The following MAP4 variants were observed in gnomAD, a reference collection of about 807,000 sequenced individuals.
The protein encoded by MAP4 is microtubule associated protein 4, also known as microtubule-associated protein 4.
MAP4 carries 76 observed loss-of-function variants against 170.2 expected under a neutral mutation model. That is an observed-to-expected ratio of 0.45 (90% CI 0.37 to 0.54). The LOEUF is 0.54. Among genes scored for constraint, MAP4 ranks in the 20% least tolerant of loss-of-function variants. MAP4 has a pLI of 0.00. For missense variants in MAP4, 2,506 were observed against 2,748.0 expected, an observed-to-expected ratio of 0.91 and a Z score of 1.97; for synonymous variants, 909 against 994.5, an observed-to-expected ratio of 0.91 and a Z score of 1.62.
At position 47,977,752 on chromosome 3, in the gene MAP4, C is replaced by T. The variant is rs112183762; in HGVS notation, c.292+113G>A. 2.4e-4 allele frequency: 175 copies of T among 721,236 alleles called. 2 individuals are homozygous for T. In the African/African-American group the frequency reaches 2.6e-3, roughly 11 times the overall value. The allele number at this position is 721,236 out of a possible 1,614,324, so 44.7% of individuals were successfully genotyped here. On this transcript the variant is annotated intron_variant, in intron 3 of 20. Coordinates refer to ENST00000683076, the MANE Select transcript of MAP4 (RefSeq NM_001385682.1). ...AATACCTCCAACAAGAACACTACCA[C>T]CCTCAGAAATAATTCATATGCTTCC...
intron 3 of MAP4, among the ~76,000 whole-genome samples, chr3:47,949,309 T>C (rs1462509384): frequency 1.3e-4 from 19 of 151,638 alleles, no homozygotes; most frequent in Admixed American, 1.2e-3. Context: ...CTACTAAGAA[T>C]ACAAAAACTA....
intron 2 of MAP4, among the ~76,000 whole-genome samples, chr3:47,995,997 G>T (rs2100095326): frequency 6.6e-6 from 1 of 152,198 alleles, no homozygotes; most frequent in Admixed American, 6.5e-5. Context: ...ACACTCATTT[G>T]CAGGATTGTC....
chr3:48,069,694 T>C (rs769287593), intron 1 of MAP4, among the ~76,000 whole-genome samples: 1 of 152,212 alleles, frequency 6.6e-6, no homozygotes, highest in African/African-American at 2.4e-5. Context: ...ATTATTGTTA[T>C]CTTATTTTAG....
intron 1 of MAP4, among the ~76,000 whole-genome samples, chr3:48,047,454 G>A (rs747019090): frequency 1.3e-5 from 2 of 151,992 alleles, no homozygotes; most frequent in African/African-American, 4.8e-5. Flanking sequence ...CAGAGTCTTC[G>A]TTTAGGGGTG....
intron 1 of MAP4, among the ~76,000 whole-genome samples, chr3:48,027,026 C>G (rs1486790851): frequency 6.6e-6 from 1 of 152,112 alleles, no homozygotes; most frequent in African/African-American, 2.4e-5. Context: ...TGATTAGAGG[C>G]GGCAAGTATG....
intron 1 of MAP4, among the ~76,000 whole-genome samples, chr3:48,065,415 T>G (rs1300197241): frequency 6.6e-6 from 1 of 152,166 alleles, no homozygotes; most frequent in Non-Finnish European, 1.5e-5. Flanking sequence ...GTATGCACAC[T>G]AAAATCTATG....
chr3:47,887,753 A>T (rs1479540325), intron 10 of MAP4, among the ~76,000 whole-genome samples: 1 of 152,192 alleles, frequency 6.6e-6, no homozygotes, highest in Non-Finnish European at 1.5e-5. Flanking sequence ...TGTTTAGCTC[A>T]AGGTTTGTGA....
At chr3:47,918,982 A>C (rs1017224159) in intron 5 of MAP4, 141 bp from the exon 6 acceptor site, 47 of 595,784 alleles carry the variant, frequency 7.9e-5, no homozygotes, top group Admixed American at 4.6e-4. Flanking sequence ...ACGCAGACAG[A>C]GTGAAGTGGC....
intron 1 of MAP4, among the ~76,000 whole-genome samples, chr3:48,087,940 T>G (rs578022981): frequency 6.6e-6 from 1 of 152,058 alleles, no homozygotes; most frequent in South Asian, 2.1e-4. Flanking sequence ...TCATCCGAGC[T>G]TGGGTCCTAA....
At chr3:47,930,840 AATGGCGT>A (rs1239019322) in intron 3 of MAP4, among the ~76,000 whole-genome samples, 2 of 151,036 alleles carry the variant, frequency 1.3e-5, no homozygotes, top group Admixed American at 1.3e-4. Flanking sequence ...GAGGCAGGAG[AATGGCGT>A]GAACCTGGTA....
intron 3 of MAP4, among the ~76,000 whole-genome samples, chr3:47,930,927 T>TAAAAAA (rs766820917): frequency 1.0e-5 from 1 of 100,034 alleles, no homozygotes; most frequent in Non-Finnish European, 2.1e-5. Flanking sequence ...AGACTCTGTC[T>TAAAAAA]AAAAAAAAAA....
chr3:47,875,369 G>A (rs530825576), intron 12 of MAP4, among the ~76,000 whole-genome samples: 5 of 152,322 alleles, frequency 3.3e-5, no homozygotes, highest in Non-Finnish European at 7.3e-5. Context: ...AGTAGATAGA[G>A]TATTACCTCC....
chr3:48,036,854 T>G (rs1197180485), intron 1 of MAP4, among the ~76,000 whole-genome samples: 1 of 152,212 alleles, frequency 6.6e-6, no homozygotes, highest in Non-Finnish European at 1.5e-5. Context: ...TGTCTGACTT[T>G]CTAATGGTGA....
At chr3:47,904,630 A>G (rs1299286808) in intron 9 of MAP4, among the ~76,000 whole-genome samples, 1 of 133,500 alleles carries the variant, frequency 7.5e-6, no homozygotes, top group African/African-American at 2.9e-5. Context: ...AACACCACTA[A>G]TAATATCTTT....
At chr3:48,057,630 TA>T (rs1219960049) in intron 1 of MAP4, among the ~76,000 whole-genome samples, 87 of 105,478 alleles carry the variant, frequency 8.2e-4, no homozygotes, top group South Asian at 2.2e-3. Flanking sequence ...AATAAATAAA[TA>T]AAAAAGAAAA....
chr3:47,915,114 CT>C lies in MAP4; in HGVS notation c.1877-176del, dbSNP rs367574892. Among the ~76,000 whole-genome samples the C allele has an allele frequency of 7.9e-3, 1,090 of 138,852 alleles. 8 individuals are homozygous for C. Among genetic ancestry groups the C allele is most frequent in the African/African-American group, 0.019 (745 of 38,260 alleles). The allele number at this position is 138,852 out of a possible 152,430, so 91.1% of individuals were successfully genotyped here. On this transcript the variant is annotated intron_variant, in intron 7 of 20. Transcript: ENST00000683076. Reference sequence around the variant, plus strand: ...TGGGAAGGTATGTCTAGTTATGTTACTTTTTTTTTTTTTTTTGAGATGGAGT... The same window carrying C: ...TGGGAAGGTATGTCTAGTTATGTTACTTTTTTTTTTTTTTTGAGATGGAGT...
rs1339507353 is a variant in MAP4 at position 47,910,730 on chromosome 3, T to C, written c.3691A>G (p.Arg1231Gly). 1 of 1,536,052 alleles carries C rather than the reference T, an allele frequency of 6.5e-7. No homozygotes were observed. Among genetic ancestry groups the C allele is most frequent in the Admixed American group, 2.0e-5 (1 of 50,984 alleles). Reference sequence around the variant, plus strand: ...AGGATTTCTTCCTTCCTCTCCATTCTAGCAGGCTGTGTGGAATAATTATTT... The same window carrying C: ...AGGATTTCTTCCTTCCTCTCCATTCCAGCAGGCTGTGTGGAATAATTATTT... Reference protein sequence around the residue: ...FKNNYSTQPARMERKEEILNP... With the variant: ...FKNNYSTQPAGMERKEEILNP... Residue 1231 changes from arginine (R) to glycine (G), a missense_variant, in exon 9 of 21, where the codon AGA becomes GGA. This residue lies in a region of MAP4 where 2,008 missense variants were observed against 2,206.0 expected (regional missense o/e 0.91). Coordinates refer to ENST00000683076, the MANE Select transcript of MAP4 (RefSeq NM_001385682.1).
At position 47,916,410 on chromosome 3, in the gene MAP4, C is replaced by T; in HGVS notation, c.1417G>A (p.Ala473Thr). The T allele has an allele frequency of 1.2e-6, 2 of 1,614,158 alleles. No homozygotes were observed. Among genetic ancestry groups the T allele is most frequent in the South Asian group, 1.1e-5 (1 of 91,078 alleles). ...AGTTGAGCCATGTCCTTGACTGGGG[C>T]CACCTCTGCTTCTAAAGGTAGTGCT... ...DKALPLEAEV[A>T]PVKDMAQLPE... The change falls in exon 7 of 21, where the codon GCC becomes ACC. Residue 473 changes from alanine (A) to threonine (T), a missense_variant. Ala to Thr is a moderately conservative substitution (Grantham distance 58). Transcript: ENST00000683076.
At chr3:47,987,794 T>C (rs2100089708) in intron 2 of MAP4, among the ~76,000 whole-genome samples, 1 of 152,166 alleles carries the variant, frequency 6.6e-6, no homozygotes, top group Non-Finnish European at 1.5e-5. Flanking sequence ...CCTTATACTT[T>C]AGGTAAGAGA....
Sources: allele counts gnomAD v4.1 joint callset (sites outside exome capture counted in the v4.1 genomes callset), GRCh38; gene constraint gnomAD v4.1.1; regional missense constraint gnomAD v4.1.1; transcripts MANE v1.5; gene names NCBI Gene and HGNC (gene_info 2026-07-23, HGNC 2026-07-21).